TENM4: variants seen among roughly 807,000 people sequenced by gnomAD.
TENM4 encodes the protein teneurin transmembrane protein 4.
In TENM4, 82 loss-of-function variants were observed where a neutral mutation model predicts 243.3. The ratio of observed to expected loss-of-function variants is 0.34; its 90% CI spans 0.28 to 0.40. The LOEUF (loss-of-function observed/expected upper bound fraction) is 0.40, where lower values mean the gene tolerates loss of function less well. Among genes scored for constraint, TENM4 ranks in the 10% least tolerant of loss-of-function variants. The probability of loss-of-function intolerance (pLI) is 1.00; values close to 1 mark genes in which losing one functional copy is unlikely to be tolerated. For synonymous variants in TENM4, 1,412 were observed against 1,456.3 expected (o/e 0.97, Z 0.69); for missense variants, 3,138 against 3,673.3 (o/e 0.85, Z 3.77).
chr11:79,180,798 G>A lies in TENM4; in HGVS notation c.-162-31992C>T, dbSNP rs564749499. On this transcript the variant is annotated intron_variant, in intron 3 of 33. Transcript: ENST00000278550. ...GCTCAAGACCAGCCTGGACAACAGA[G>A]TGAGACCACATCTCAAAAATAAGTA... Among the ~76,000 whole-genome samples, 86 of 151,362 alleles carry A rather than the reference G, an allele frequency of 5.7e-4. 3 individuals carry two copies. The highest frequency in any genetic ancestry group is 5.2e-4 in the Non-Finnish European group (35 of 67,632).
At position 79,081,081 on chromosome 11, in the gene TENM4, G is replaced by C. The variant is rs544721311; in HGVS notation, c.-65-11072C>G. Among the ~76,000 whole-genome samples, 9 of 152,312 alleles carry C rather than the reference G, an allele frequency of 5.9e-5. No homozygotes were observed. The South Asian group carries it at 1.7e-3, about 28-fold the overall frequency. ...CCCAGAAAGGCAGGCATCAGTTGAA[G>C]GATTCTGGAAATGGTGAAACTTAGT... On this transcript the variant is annotated intron_variant, in intron 4 of 33. Coordinates refer to ENST00000278550, the MANE Select transcript of TENM4 (RefSeq NM_001098816.3).
chr11:79,390,571 A>G (rs480161), intron 1 of TENM4, among the ~76,000 whole-genome samples: 76,880 of 151,668 alleles, frequency 0.51, 19,563 homozygotes, highest in East Asian at 0.55. Context: ...AAGTGAAACT[A>G]ACCAAGAATA....
chr11:79,028,843 C>T (rs1032017105), intron 6 of TENM4, among the ~76,000 whole-genome samples: 4 of 152,120 alleles, frequency 2.6e-5, no homozygotes, highest in African/African-American at 7.2e-5. Flanking sequence ...AGTTAACATG[C>T]AATTTTTTGA....
chr11:78,724,764 T>C (rs574049680), intron 23 of TENM4, among the ~76,000 whole-genome samples: 1 of 152,350 alleles, frequency 6.6e-6, no homozygotes, highest in South Asian at 2.1e-4. Flanking sequence ...TGCAATGGCA[T>C]GTAAGTAAAA....
chr11:78,770,954 C>T (rs1437088883), intron 18 of TENM4, 38 bp downstream of exon 18: 1 of 1,559,870 alleles, frequency 6.4e-7, no homozygotes, highest in South Asian at 1.2e-5. Context: ...CTCCCACCCT[C>T]TGGAGCCGCC....
intron 12 of TENM4, among the ~76,000 whole-genome samples, chr11:78,822,075 T>C (rs773777765): frequency 1.3e-5 from 2 of 152,150 alleles, no homozygotes; most frequent in Non-Finnish European, 2.9e-5. Flanking sequence ...ATCTACAAAG[T>C]CATATATTTT....
intron 1 of TENM4, among the ~76,000 whole-genome samples, chr11:79,384,124 C>CA (rs1858061238): frequency 6.6e-6 from 1 of 152,164 alleles, no homozygotes. Context: ...TTCAGTGCCA[C>CA]AGCAGTGTTA....
intron 6 of TENM4, among the ~76,000 whole-genome samples, chr11:79,028,571 C>T (rs1254999164): frequency 2.0e-5 from 3 of 152,224 alleles, no homozygotes; most frequent in African/African-American, 4.8e-5. Context: ...CTACTCCCAC[C>T]TTTCACATGG....
intron 19 of TENM4, among the ~76,000 whole-genome samples, chr11:78,751,400 G>C (rs1006371105): frequency 6.6e-6 from 1 of 152,094 alleles, no homozygotes; most frequent in South Asian, 2.1e-4. Flanking sequence ...CCCTGTCCAC[G>C]ACCATCTATT....
chr11:79,052,184 T>C (rs1859812984), intron 6 of TENM4, among the ~76,000 whole-genome samples: 1 of 152,256 alleles, frequency 6.6e-6, no homozygotes, highest in South Asian at 2.1e-4. Flanking sequence ...TCTAGGTCTT[T>C]GAGGAATTGC....
At chr11:79,131,221 T>A (rs182151870) in intron 4 of TENM4, among the ~76,000 whole-genome samples, 1 of 152,262 alleles carries the variant, frequency 6.6e-6, no homozygotes, top group African/African-American at 2.4e-5. Context: ...CCTCGGCACA[T>A]TGTCATCGGG....
intron 6 of TENM4, among the ~76,000 whole-genome samples, chr11:78,998,088 A>T (rs1203708582): frequency 6.6e-6 from 1 of 152,232 alleles, no homozygotes; most frequent in Non-Finnish European, 1.5e-5. Flanking sequence ...AATGTGAGAC[A>T]TAACTGTCTG....
intron 12 of TENM4, among the ~76,000 whole-genome samples, chr11:78,843,770 A>C (rs1181548293): frequency 1.3e-5 from 2 of 152,232 alleles, no homozygotes; most frequent in African/African-American, 4.8e-5. Context: ...CTGGCAAAGA[A>C]AGATGGAATC....
At chr11:79,385,425 G>A (rs1006913238) in intron 1 of TENM4, among the ~76,000 whole-genome samples, 13 of 152,160 alleles carry the variant, frequency 8.5e-5, no homozygotes, top group Non-Finnish European at 1.5e-4. Flanking sequence ...ACTGAAAGAA[G>A]CTAGGTTATT....
At chr11:79,194,206 T>G (rs1170923479) in intron 3 of TENM4, among the ~76,000 whole-genome samples, 1 of 152,006 alleles carries the variant, frequency 6.6e-6, no homozygotes, top group Non-Finnish European at 1.5e-5. Flanking sequence ...CCCAGACATG[T>G]GGAACTGTAA....
At chr11:78,935,221 C>T (rs1856759122) in intron 6 of TENM4, among the ~76,000 whole-genome samples, 1 of 151,544 alleles carries the variant, frequency 6.6e-6, no homozygotes, top group African/African-American at 2.4e-5. Flanking sequence ...CCTTGTTAGC[C>T]AGGATGGTCT....
chr11:79,215,247 C>T (rs983751519), intron 3 of TENM4, among the ~76,000 whole-genome samples: 1 of 152,086 alleles, frequency 6.6e-6, no homozygotes, highest in African/African-American at 2.4e-5. Flanking sequence ...TTTTTCATTG[C>T]TTTTCTGCAC....
intron 18 of TENM4, among the ~76,000 whole-genome samples, chr11:78,770,562 G>A (rs578055697): frequency 6.6e-5 from 10 of 152,332 alleles, no homozygotes; most frequent in African/African-American, 1.4e-4. Context: ...AATCAGAGGA[G>A]AAGAGACCTT....
At chr11:79,228,219 C>T (rs1864307596) in intron 2 of TENM4, among the ~76,000 whole-genome samples, 1 of 152,168 alleles carries the variant, frequency 6.6e-6, no homozygotes, top group East Asian at 1.9e-4. Flanking sequence ...GGGTGGTGGG[C>T]CAGCTTCCCA....
Sources: gnomAD v4.1 joint callset for allele counts (sites outside exome capture counted in the v4.1 genomes callset) on GRCh38, gnomAD v4.1.1 for gene constraint, MANE v1.5 for transcripts, NCBI Gene and HGNC (gene_info 2026-07-23, HGNC 2026-07-21) for gene names.